The following GSE1 variants were observed in gnomAD, a reference collection of about 807,000 sequenced individuals.
GSE1 encodes Gse1 coiled-coil protein, also known as genetic suppressor element 1.
A neutral mutation model predicts 112.6 loss-of-function variants in GSE1; 32 were observed. The ratio of observed to expected loss-of-function variants is 0.28; its 90% CI spans 0.21 to 0.38. GSE1 has a LOEUF of 0.38. Ranked by LOEUF, GSE1 falls within the 10% of genes least tolerant of loss-of-function variation. The pLI is 1.00. For missense variants in GSE1, 2,348 were observed against 1,699.2 expected (o/e 1.38, Z -6.71); for synonymous variants, 1,115 against 735.6 (o/e 1.52, Z -8.35).
At chr16:85,262,062 G>A (rs1046509133) in intron 1 of GSE1, among the ~76,000 whole-genome samples, 17 of 152,300 alleles carry the variant, frequency 1.1e-4, no homozygotes, top group Admixed American at 5.9e-4. Context: ...GACAGAGCCT[G>A]TTTTGAATCC....
intron 1 of GSE1, among the ~76,000 whole-genome samples, chr16:85,238,331 C>A (rs955599725): frequency 6.6e-6 from 1 of 152,222 alleles, no homozygotes; most frequent in Admixed American, 6.5e-5. Flanking sequence ...TCTTCCAGAA[C>A]CATCGCCTCT....
At chr16:85,204,529 C>G (rs2075082387) in intron 1 of GSE1, among the ~76,000 whole-genome samples, 1 of 152,218 alleles carries the variant, frequency 6.6e-6, no homozygotes, top group South Asian at 2.1e-4. Context: ...TTTTGAGGAC[C>G]TGCCAGGCTA....
intron 1 of GSE1, among the ~76,000 whole-genome samples, chr16:85,631,095 G>A (rs561186568): frequency 6.6e-6 from 1 of 152,306 alleles, no homozygotes; most frequent in South Asian, 2.1e-4. Context: ...GTGCCTCGTT[G>A]GGACCACGAG....
At chr16:85,575,542 T>G (rs1424666697) in intron 1 of GSE1, among the ~76,000 whole-genome samples, 1 of 152,166 alleles carries the variant, frequency 6.6e-6, no homozygotes, top group Non-Finnish European at 1.5e-5. Flanking sequence ...TATTTTTATT[T>G]TTTCACTTGG....
At chr16:85,631,512 G>A (rs1045642887) in intron 1 of GSE1, among the ~76,000 whole-genome samples, 1 of 152,246 alleles carries the variant, frequency 6.6e-6, no homozygotes, top group Non-Finnish European at 1.5e-5. Flanking sequence ...CCAGTGGGGT[G>A]AGCATCGCAG....
chr16:85,478,019 C>T (rs773059696), intron 2 of GSE1, among the ~76,000 whole-genome samples: 1 of 152,184 alleles, frequency 6.6e-6, no homozygotes, highest in Non-Finnish European at 1.5e-5. Context: ...TTAGCGGTCA[C>T]TCCGCGCTCC....
intron 5 of GSE1, among the ~76,000 whole-genome samples, chr16:85,655,477 CTG>C (rs751384758): frequency 1.3e-4 from 20 of 152,208 alleles, no homozygotes; most frequent in Non-Finnish European, 2.6e-4. Context: ...CTTGACCACT[CTG>C]TGCTGGTCTG....
At chr16:85,477,616 A>G (rs1435590398) in intron 2 of GSE1, among the ~76,000 whole-genome samples, 2 of 144,906 alleles carry the variant, frequency 1.4e-5, no homozygotes, top group Non-Finnish European at 3.0e-5. Flanking sequence ...GCTGGAGTGC[A>G]GTGGCGCGAT....
chr16:85,326,787 A>G (rs1466623717), intron 1 of GSE1, among the ~76,000 whole-genome samples: 1 of 152,252 alleles, frequency 6.6e-6, no homozygotes, highest in Non-Finnish European at 1.5e-5. Flanking sequence ...AGCTGTGATC[A>G]GCAAGCACGT....
chr16:85,660,344 A>G (rs2052328855), intron 8 of GSE1, among the ~76,000 whole-genome samples: 1 of 152,184 alleles, frequency 6.6e-6, no homozygotes, highest in Non-Finnish European at 1.5e-5. Flanking sequence ...CACCTGCCGC[A>G]GGTGTTGGAG....
At chr16:85,495,886 G>A (rs1300460690) in intron 2 of GSE1, among the ~76,000 whole-genome samples, 1 of 152,176 alleles carries the variant, frequency 6.6e-6, no homozygotes, top group African/African-American at 2.4e-5. Context: ...TGAGTTTGAG[G>A]CCTGCCAGAG....
At chr16:85,490,561 C>CTCCTGCTA (rs2050977647) in intron 2 of GSE1, 1 of 152,264 alleles carries the variant, frequency 6.6e-6, no homozygotes, top group Non-Finnish European at 1.5e-5. Flanking sequence ...GCCCCTCGCT[C>CTCCTGCTA]GCTAGCTCCT....
intron 1 of GSE1, among the ~76,000 whole-genome samples, chr16:85,582,829 C>T (rs1386140920): frequency 1.3e-5 from 2 of 152,200 alleles, no homozygotes; most frequent in Non-Finnish European, 2.9e-5. Flanking sequence ...TTTAGCTGTT[C>T]CGAGCCAGTG....
At chr16:85,293,471 G>C (rs562627478) in intron 1 of GSE1, among the ~76,000 whole-genome samples, 1 of 152,132 alleles carries the variant, frequency 6.6e-6, no homozygotes, top group African/African-American at 2.4e-5. Flanking sequence ...GCTTGAACCC[G>C]GGAGGTGGAG....
At chr16:85,249,470 T>C (rs73257952) in intron 1 of GSE1, among the ~76,000 whole-genome samples, 1,532 of 152,318 alleles carry the variant, frequency 0.01, 24 homozygotes, top group African/African-American at 0.033. Context: ...ACTGGGACCC[T>C]GAGTGGCAGT....
chr16:85,225,614 T>G (rs1597842217), intron 1 of GSE1, among the ~76,000 whole-genome samples: 2 of 152,286 alleles, frequency 1.3e-5, no homozygotes, highest in Middle Eastern at 6.8e-3. Flanking sequence ...TCTTAGGGAA[T>G]GCGTGGAGCC....
chr16:85,646,228 C>G (rs1379410181), intron 2 of GSE1, among the ~76,000 whole-genome samples: 1 of 145,602 alleles, frequency 6.9e-6, no homozygotes, highest in Admixed American at 6.6e-5. Flanking sequence ...CTGCTTCTAC[C>G]ACGCATTCTA....
intron 3 of GSE1, 31 bp from the exon 4 acceptor site, chr16:85,654,247 C>T (rs775931036): frequency 6.4e-7 from 1 of 1,563,260 alleles, no homozygotes; most frequent in Non-Finnish European, 8.7e-7. Flanking sequence ...ATACCAGGCT[C>T]CTGCCCTGAC....
chr16:85,380,563 G>A (rs1366025729), intron 2 of GSE1, among the ~76,000 whole-genome samples: 1 of 138,654 alleles, frequency 7.2e-6, no homozygotes, highest in East Asian at 1.9e-4. Flanking sequence ...TGCCCGCCGG[G>A]GGAGGCCTCT....
Sources: allele counts gnomAD v4.1 joint callset (sites outside exome capture counted in the v4.1 genomes callset), GRCh38; gene constraint gnomAD v4.1.1; transcripts MANE v1.5; gene names NCBI Gene and HGNC (gene_info 2026-07-23, HGNC 2026-07-21).